NDUFB5: variants seen among roughly 807,000 people sequenced by gnomAD.
The protein encoded by NDUFB5 is NADH:ubiquinone oxidoreductase subunit B5.
Under a neutral mutation model 19.4 loss-of-function variants are expected in NDUFB5, and 19 were observed. The observed-to-expected ratio is 0.98, with a 90% CI of 0.68 to 1.43. The LOEUF (loss-of-function observed/expected upper bound fraction) is 1.43. NDUFB5 is among the 40% of genes most tolerant of loss of function. The probability of loss-of-function intolerance (pLI) is 0.00; values close to 1 mark genes in which losing one functional copy is unlikely to be tolerated. For synonymous variants in NDUFB5, 80 were observed against 82.6 expected (o/e 0.97, Z 0.17); for missense variants, 233 against 236.5 (o/e 0.99, Z 0.10).
At chr3:179,617,757 T>G (rs961849571) in intron 4 of NDUFB5, among the ~76,000 whole-genome samples, 2 of 152,156 alleles carry the variant, frequency 1.3e-5, no homozygotes, top group Non-Finnish European at 2.9e-5. Flanking sequence ...TTATTCCCTC[T>G]TTGTAGATGA....
intron 1 of NDUFB5, 97 bp from the exon 2 acceptor site, chr3:179,614,874 A>T: frequency 1.1e-6 from 1 of 871,164 alleles, no homozygotes. Flanking sequence ...GAGCTACAAA[A>T]GGATCCTTGT....
intron 1 of NDUFB5, among the ~76,000 whole-genome samples, chr3:179,608,600 A>G (rs985946113): frequency 6.6e-6 from 1 of 152,206 alleles, no homozygotes; most frequent in African/African-American, 2.4e-5. Context: ...CTTTTAAGCT[A>G]TATGTCTACA....
At chr3:179,611,858 ATACT>A (rs546277218) in intron 1 of NDUFB5, among the ~76,000 whole-genome samples, 464 of 152,040 alleles carry the variant, frequency 3.1e-3, no homozygotes, top group Non-Finnish European at 4.8e-3. Flanking sequence ...AAATTAATAA[ATACT>A]TAATGGAGAA....
chr3:179,616,614 G>T (rs1719386457), intron 3 of NDUFB5, among the ~76,000 whole-genome samples: 1 of 152,008 alleles, frequency 6.6e-6, no homozygotes, highest in African/African-American at 2.4e-5. Flanking sequence ...AGATTTTCGT[G>T]GGAAATTTTG....
intron 1 of NDUFB5, 121 bp downstream of exon 1, chr3:179,605,060 T>C: frequency 7.4e-7 from 1 of 1,351,362 alleles, no homozygotes; most frequent in Non-Finnish European, 9.6e-7. Context: ...GGCTTGGGGC[T>C]TGACAGGAGA....
At chr3:179,621,596 G>A (rs903946042) in intron 5 of NDUFB5, among the ~76,000 whole-genome samples, 5 of 150,854 alleles carry the variant, frequency 3.3e-5, no homozygotes, top group East Asian at 1.9e-4. Context: ...GGGTTCAAGC[G>A]ATTCTGCCTC....
At chr3:179,622,159 G>A (rs1719555830) in intron 5 of NDUFB5, among the ~76,000 whole-genome samples, 1 of 151,832 alleles carries the variant, frequency 6.6e-6, no homozygotes. Context: ...TTTTTTGTTT[G>A]TTTGTTTGTT....
At chr3:179,611,275 G>C (rs995585182) in intron 1 of NDUFB5, among the ~76,000 whole-genome samples, 2 of 152,192 alleles carry the variant, frequency 1.3e-5, no homozygotes, top group African/African-American at 4.8e-5. Context: ...TTAACTCTTA[G>C]AATCAAGAGG....
In NDUFB5 at chr3:179,623,923, A is replaced by G; in HGVS notation, c.453A>G (p.Val151=). 1 of 1,613,890 alleles carries G rather than the reference A, an allele frequency of 6.2e-7. No individual in the cohort carries two copies. Among genetic ancestry groups the G allele is most frequent in the Non-Finnish European group, 8.5e-7 (1 of 1,179,916 alleles). Residue 151 remains valine, a synonymous_variant, in exon 6 of 6, where the codon GTA becomes GTG. Coordinates refer to ENST00000259037, the MANE Select transcript of NDUFB5 (RefSeq NM_002492.4). Reference sequence around the variant, plus strand: ...ATTGCTGTTCCATTTGTTACAGGGTAAAGGAGCTGGAAGTGCGAAAATTGA... The same window carrying G: ...ATTGCTGTTCCATTTGTTACAGGGTGAAGGAGCTGGAAGTGCGAAAATTGA... ...QIEAEKAELR[V]KELEVRKLMH...
chr3:179,614,998 G>A lies in NDUFB5; in HGVS notation c.152G>A (p.Gly51Glu), dbSNP rs1472666909. 6.2e-7 allele frequency: 1 copy of A among 1,609,898 alleles called. No individual in the cohort carries two copies. Among genetic ancestry groups the A allele is most frequent in the Non-Finnish European group, 8.5e-7 (1 of 1,177,252 alleles). Reference sequence around the variant, plus strand: ...CCTGTTCGACACAGTGGAGACCATGGGAAAAGACTATTTGTCATCAGACCT... The same window carrying A: ...CCTGTTCGACACAGTGGAGACCATGAGAAAAGACTATTTGTCATCAGACCT... ...AAPVRHSGDH[G>E]KRLFVIRPSR... is the part of the protein sequence containing the mutation. Residue 51 changes from glycine (G) to glutamate (E), a missense_variant, in exon 2 of 6, where the codon GGG becomes GAG. By Grantham distance (98) the Gly-to-Glu change is moderately conservative (BLOSUM62 -2). Transcript: ENST00000259037.
rs991099172 is a variant in NDUFB5, at chr3:179,627,358, A to G, written c.*3318A>G. 2 of 152,174 alleles carry G rather than the reference A, an allele frequency of 1.3e-5. No individual in the cohort carries two copies. The highest frequency in any genetic ancestry group is 2.9e-5 in the Non-Finnish European group (2 of 68,044). The allele number at this position is 152,174 out of a possible 1,614,324, so 9.4% of individuals were successfully genotyped here. A position where few individuals can be genotyped will look rare whatever the true frequency, so the allele number is the denominator to read the frequency against. ...TGTTAGCTCTCCTCCCTTCCCAGGC[A>G]TTGTGAAGACCCTGTTTCCCTAGCT... On this transcript the variant is annotated 3_prime_UTR_variant, in exon 6 of 6. Coordinates refer to ENST00000259037, the MANE Select transcript of NDUFB5 (RefSeq NM_002492.4).
chr3:179,616,123 A>G, intron 3 of NDUFB5, 74 bp downstream of exon 3: 1 of 1,039,616 alleles, frequency 9.6e-7, no homozygotes, highest in Non-Finnish European at 1.4e-6. Flanking sequence ...TAATATAAAA[A>G]AGAAATTATG....
chr3:179,619,009 C>T (rs1472467162), intron 5 of NDUFB5, among the ~76,000 whole-genome samples: 3 of 151,510 alleles, frequency 2.0e-5, no homozygotes, highest in Non-Finnish European at 4.4e-5. Context: ...CTCTGTTGCC[C>T]CAGCTGGGAA....
At chr3:179,619,983 G>A (rs1305839084) in intron 5 of NDUFB5, among the ~76,000 whole-genome samples, 1 of 152,196 alleles carries the variant, frequency 6.6e-6, no homozygotes, top group Non-Finnish European at 1.5e-5. Flanking sequence ...TCTTTTGGCT[G>A]CATAAATGTC....
intron 1 of NDUFB5, among the ~76,000 whole-genome samples, chr3:179,609,447 A>C (rs1174623809): frequency 6.6e-6 from 1 of 152,200 alleles, no homozygotes; most frequent in African/African-American, 2.4e-5. Context: ...GTCATACTGA[A>C]GGGGCTATGA....
intron 1 of NDUFB5, among the ~76,000 whole-genome samples, chr3:179,611,736 T>C (rs1455893547): frequency 6.6e-6 from 1 of 151,978 alleles, no homozygotes; most frequent in African/African-American, 2.4e-5. Flanking sequence ...GTTCCCACAT[T>C]CCCACATTAT....
intron 4 of NDUFB5, chr3:179,618,213 T>A (rs1238617629): frequency 9.5e-6 from 4 of 418,866 alleles, no homozygotes; most frequent in Non-Finnish European, 1.7e-5. Flanking sequence ...TACGTAACTT[T>A]GTGCAATTCA....
chr3:179,618,386 A>G, intron 4 of NDUFB5, 29 bp from the exon 5 acceptor site: 2 of 1,400,790 alleles, frequency 1.4e-6, no homozygotes, highest in Non-Finnish European at 2.0e-6. Flanking sequence ...TCAGAAATGG[A>G]CTAATATTAA....
At chr3:179,606,538 T>G (rs149294617) in intron 1 of NDUFB5, among the ~76,000 whole-genome samples, 2,102 of 151,926 alleles carry the variant, frequency 0.014, 44 homozygotes, top group African/African-American at 0.048. Flanking sequence ...TGGGGTTTCA[T>G]CATGTTGGCT....
Sources: allele counts gnomAD v4.1 joint callset (sites outside exome capture counted in the v4.1 genomes callset), GRCh38; gene constraint gnomAD v4.1.1; transcripts MANE v1.5; gene names NCBI Gene and HGNC (gene_info 2026-07-23, HGNC 2026-07-21).